The following RAB9B variants were observed in gnomAD, a reference collection of about 807,000 sequenced individuals.
RAB9B encodes ras-related protein Rab-9B.
Under a neutral mutation model 8.9 loss-of-function variants are expected in RAB9B, and 1 was observed. The ratio of observed to expected loss-of-function variants is 0.11; its 90% CI spans 0.04 to 0.53. The LOEUF is 0.53. Among genes scored for constraint, RAB9B ranks in the 20% least tolerant of loss-of-function variants. RAB9B has a pLI of 0.93. For synonymous variants in RAB9B, 63 were observed against 57.0 expected, an observed-to-expected ratio of 1.10 and a Z score of -0.47; for missense variants, 82 against 152.9, an observed-to-expected ratio of 0.54 and a Z score of 2.45.
At chrX:103,786,135 C>A in the RAB9B span, 1 of 1,097,132 alleles carries the variant, frequency 9.1e-7, no homozygotes, top group Non-Finnish European at 1.2e-6. Flanking sequence ...CCTGTTCCTT[C>A]ACCCACCTTT....
chrX:103,778,663 T>C, the RAB9B span, among the ~76,000 whole-genome samples: 1 of 111,449 alleles, frequency 9.0e-6, no homozygotes, highest in Non-Finnish European at 1.9e-5. Flanking sequence ...AAGGGCACGA[T>C]TGAGGATGCA....
chrX:103,815,013 G>C, the RAB9B span, among the ~76,000 whole-genome samples: 3 of 112,137 alleles, frequency 2.7e-5, no homozygotes, highest in African/African-American at 9.7e-5. Context: ...GAGGTACAAA[G>C]GGGAGATGGC....
chrX:103,820,301 T>G (rs1428995527), downstream of RAB9B, among the ~76,000 whole-genome samples: 1 of 112,030 alleles, frequency 8.9e-6, no homozygotes, highest in Non-Finnish European at 1.9e-5. Flanking sequence ...ATTTTACATT[T>G]CCACAGCAAA....
At chrX:103,789,507 G>T in the RAB9B span, 27 of 642,888 alleles carry the variant, frequency 4.2e-5, no homozygotes, top group Admixed American at 5.9e-4. Flanking sequence ...AAATGCTGGA[G>T]GGAAGCTTCT....
At chrX:103,802,562 GTTA>G in the RAB9B span, among the ~76,000 whole-genome samples, 1 of 111,647 alleles carries the variant, frequency 9.0e-6, no homozygotes, top group South Asian at 3.8e-4. Context: ...AAATGACTAG[GTTA>G]TTCTTTGCCT....
the RAB9B span, among the ~76,000 whole-genome samples, chrX:103,813,594 A>T: frequency 9.2e-6 from 1 of 108,671 alleles, no homozygotes; most frequent in African/African-American, 3.4e-5. Flanking sequence ...TAAATGGGCT[A>T]AATGCCCCAA....
the RAB9B span, chrX:103,787,001 T>A: frequency 2.6e-6 from 1 of 389,343 alleles, no homozygotes; most frequent in Non-Finnish European, 4.5e-6. Context: ...TTCTAAGCCA[T>A]CTGTTGGTAT....
chrX:103,830,415 GA>G (rs1872741789), intron 1 of RAB9B, among the ~76,000 whole-genome samples: 1 of 111,588 alleles, frequency 9.0e-6, no homozygotes, highest in African/African-American at 3.3e-5. Context: ...ACGTAAATAG[GA>G]AAGTCAAATG....
At chrX:103,814,496 A>C in the RAB9B span, among the ~76,000 whole-genome samples, 3 of 111,772 alleles carry the variant, frequency 2.7e-5, no homozygotes, top group Non-Finnish European at 5.6e-5. Flanking sequence ...GAGAGATCTA[A>C]AATCGACACC....
the RAB9B span, chrX:103,776,754 G>T: frequency 3.3e-6 from 1 of 305,194 alleles, no homozygotes; most frequent in Non-Finnish European, 5.4e-6. Context: ...CTGAGTAGGT[G>T]GGGAAAAGGG....
At chrX:103,805,086 A>G in the RAB9B span, among the ~76,000 whole-genome samples, 1 of 111,596 alleles carries the variant, frequency 9.0e-6, no homozygotes, top group African/African-American at 3.2e-5. Flanking sequence ...TTTCTTGATC[A>G]TAGAAGGAAA....
the RAB9B span, among the ~76,000 whole-genome samples, chrX:103,811,586 A>G: frequency 1.8e-5 from 2 of 111,782 alleles, no homozygotes; most frequent in African/African-American, 6.5e-5. Context: ...CTAAAGAAAT[A>G]TTCTAGAAAA....
the RAB9B span, among the ~76,000 whole-genome samples, chrX:103,782,947 C>A: frequency 8.9e-6 from 1 of 112,183 alleles, no homozygotes; most frequent in Non-Finnish European, 1.9e-5. Flanking sequence ...GGGTCACTGA[C>A]CTTCTTCTCC....
At chrX:103,790,222 C>G in the RAB9B span, among the ~76,000 whole-genome samples, 9 of 112,151 alleles carry the variant, frequency 8.0e-5, no homozygotes, top group Admixed American at 3.8e-4. Context: ...GTGGCAAAGC[C>G]CAAATATTGT....
chrX:103,819,400 A>T (rs765557696), downstream of RAB9B, among the ~76,000 whole-genome samples: 3 of 111,175 alleles, frequency 2.7e-5, no homozygotes, highest in Non-Finnish European at 3.8e-5. Flanking sequence ...GTTTAAAAAG[A>T]CATTTATATA....
the RAB9B span, among the ~76,000 whole-genome samples, chrX:103,781,957 T>C: frequency 1.3e-5 from 1 of 75,152 alleles, no homozygotes; most frequent in South Asian, 8.8e-4. Context: ...CTTTTGGCTT[T>C]AGGCTATTGT....
At chrX:103,817,042 A>G in the RAB9B span, among the ~76,000 whole-genome samples, 3 of 112,357 alleles carry the variant, frequency 2.7e-5, no homozygotes, top group Non-Finnish European at 3.8e-5. Context: ...AGGATCTAGA[A>G]CTAGAAATAC....
the RAB9B span, chrX:103,790,896 C>A: frequency 2.9e-6 from 1 of 346,373 alleles, no homozygotes; most frequent in African/African-American, 2.6e-5. Flanking sequence ...ATTGAATTTT[C>A]AAGCATCTCC....
chrX:103,789,127 G>T, the RAB9B span: 4 of 468,597 alleles, frequency 8.5e-6, no homozygotes, highest in Non-Finnish European at 1.5e-5. Flanking sequence ...TGACTATTCT[G>T]TGATCTGGGT....
Sources: allele counts gnomAD v4.1 joint callset (sites outside exome capture counted in the v4.1 genomes callset), GRCh38; gene constraint gnomAD v4.1.1; transcripts MANE v1.5; gene names NCBI Gene and HGNC (gene_info 2026-07-23, HGNC 2026-07-21).